Variants in MN1 observed in about 807,000 individuals in gnomAD.
The protein encoded by MN1 is MN1 proto-oncogene, transcriptional regulator.
A neutral mutation model predicts 86.9 loss-of-function variants in MN1; 19 were observed. The ratio of observed to expected loss-of-function variants is 0.22; its 90% CI spans 0.15 to 0.32. The LOEUF (loss-of-function observed/expected upper bound fraction) is 0.32, where lower values mean the gene tolerates loss of function less well. Ranked by LOEUF, MN1 falls within the 10% of genes least tolerant of loss-of-function variation. The pLI, the probability that MN1 is intolerant of heterozygous loss-of-function variation, is 1.00. For synonymous variants in MN1, 928 were observed against 849.6 expected (o/e 1.09, Z -1.60); for missense variants, 1,841 against 1,862.0 (o/e 0.99, Z 0.21).
In MN1 at chr22:27,798,766, C is replaced by A; in HGVS notation, c.1778G>T (p.Gly593Val). ...CGGCTGGGCCAAGCCGCCCACCGGG[C>A]CGCCATGCACCAGGCCGCCCTGGCC... Reference protein sequence around the residue: ...DVGQGGLVHGGPVGGLAQPNF... With the variant: ...DVGQGGLVHGVPVGGLAQPNF... Residue 593 changes from glycine to valine, a missense_variant, in exon 1 of 2, where the codon GGC becomes GTC. By Grantham distance (109) the Gly-to-Val change is moderately radical. Transcript: ENST00000302326. The A allele has an allele frequency of 6.5e-7, 1 of 1,534,110 alleles. No individual in the cohort carries two copies. The highest frequency in any genetic ancestry group is 8.7e-7 in the Non-Finnish European group (1 of 1,145,428).
intron 1 of MN1, among the ~76,000 whole-genome samples, chr22:27,773,619 G>A (rs975583364): frequency 6.6e-6 from 1 of 152,148 alleles, no homozygotes; most frequent in Non-Finnish European, 1.5e-5. Flanking sequence ...AGGATGCTAG[G>A]ACCCAAACCC....
In MN1 at chr22:27,798,180, C is replaced by A; in HGVS notation, c.2364G>T (p.Gln788His). 1 of 1,565,214 alleles carries A rather than the reference C, an allele frequency of 6.4e-7. No homozygotes were observed. The highest frequency in any genetic ancestry group is 8.6e-7 in the Non-Finnish European group (1 of 1,162,732). Residue 788 changes from glutamine (Q) to histidine (H), a missense_variant, in exon 1 of 2, where the codon CAG (glutamine) becomes CAT (histidine). Coordinates refer to ENST00000302326, the MANE Select transcript of MN1 (RefSeq NM_002430.3). Reference sequence around the variant, plus strand: ...TGCGCTGGCTGGGCTGGAAATCAGGCTGCGGCGGGTAGGCACCCCCGCCAC... The same window carrying A: ...TGCGCTGGCTGGGCTGGAAATCAGGATGCGGCGGGTAGGCACCCCCGCCAC... The part of the protein sequence containing the change: ...GGGGGGAYPP[Q>H]PDFQPSQRTS...
chr22:27,797,189 C>T lies in MN1; in HGVS notation c.3355G>A (p.Gly1119Ser). ...GGATGGCCCGGGCCCCCACCGCCGC[C>T]GTAGCTGTCAGGGGTCGAGGTAGAG... ...SNSTSTPDSY[G>S]GGGGPGHPGT... Residue 1119 changes from glycine to serine, a missense_variant, in exon 1 of 2, where the codon GGC (glycine) becomes AGC (serine). Physicochemically the swap from Gly to Ser is moderately conservative, Grantham distance 56. Transcript: ENST00000302326. 6.4e-7 allele frequency: 1 copy of T among 1,558,798 alleles called. No homozygotes were observed. Among genetic ancestry groups the T allele is most frequent in the South Asian group, 1.2e-5 (1 of 86,422 alleles).
chr22:27,771,843 G>A (rs538538341), intron 1 of MN1, among the ~76,000 whole-genome samples: 40 of 152,268 alleles, frequency 2.6e-4, no homozygotes, highest in African/African-American at 9.1e-4. Flanking sequence ...ACTGAGGCTC[G>A]GAGAAAGGAG....
At chr22:27,770,162 T>C (rs1354801508) in intron 1 of MN1, among the ~76,000 whole-genome samples, 2 of 152,014 alleles carry the variant, frequency 1.3e-5, no homozygotes, top group Non-Finnish European at 2.9e-5. Context: ...CCCTCCCAAA[T>C]CCTTTCCGGC....
chr22:27,798,498 C>T lies in MN1; in HGVS notation c.2046G>A (p.Glu682=), dbSNP rs775669182. 26 of 1,549,584 alleles carry T rather than the reference C, an allele frequency of 1.7e-5. No homozygotes were observed. The highest frequency in any genetic ancestry group is 1.7e-4 in the Middle Eastern group (1 of 5,882). ...GGCCCTCTCCGGGCATCCTCATCGG[C>T]TCCTGCAGAGGGCCCCGGAACAGCA... ...SGVLFRGPLQ[E]PMRMPGEGHV... is the part of the protein sequence containing the mutation. The change falls in exon 1 of 2, where the codon GAG becomes GAA. Residue 682 remains glutamate, a synonymous_variant. Coordinates refer to ENST00000302326, the MANE Select transcript of MN1 (RefSeq NM_002430.3).
intron 1 of MN1, among the ~76,000 whole-genome samples, chr22:27,766,358 C>A (rs536659691): frequency 6.6e-6 from 1 of 152,234 alleles, no homozygotes; most frequent in African/African-American, 2.4e-5. Flanking sequence ...CTGCAACGCC[C>A]AGTGTCATCT....
intron 1 of MN1, among the ~76,000 whole-genome samples, chr22:27,759,054 G>A (rs542411036): frequency 9.9e-5 from 15 of 152,182 alleles, no homozygotes; most frequent in Middle Eastern, 3.4e-3. Flanking sequence ...TCTCGAACTC[G>A]TGAGCTCAAG....
intron 1 of MN1, among the ~76,000 whole-genome samples, chr22:27,761,402 C>T (rs1045403972): frequency 1.3e-5 from 2 of 149,716 alleles, no homozygotes; most frequent in Non-Finnish European, 3.0e-5. Context: ...CTCTCTTTCT[C>T]TCTCTCTCTC....
At chr22:27,765,201 C>T (rs950124007) in intron 1 of MN1, among the ~76,000 whole-genome samples, 3 of 152,180 alleles carry the variant, frequency 2.0e-5, no homozygotes, top group African/African-American at 4.8e-5. Flanking sequence ...TGTCCAAGTT[C>T]GCATAAGAGG....
chr22:27,801,554 G>T lies in MN1; in HGVS notation c.-1011C>A. 5.6e-6 allele frequency: 1 copy of T among 178,614 alleles called. No homozygotes were observed. Among genetic ancestry groups the T allele is most frequent in the Non-Finnish European group, 1.2e-5 (1 of 83,480 alleles). The allele number at this position is 178,614 out of a possible 1,614,324, so 11.1% of individuals were successfully genotyped here. On this transcript the variant is annotated 5_prime_UTR_variant, in exon 1 of 2. Coordinates refer to ENST00000302326, the MANE Select transcript of MN1 (RefSeq NM_002430.3). ...GAGGGAGGGGGGCGTACGCGGGTCGGGGGGCCACGCCGGGCGAGCAGGCTA... is the reference window on the plus strand; with the variant it reads ...GAGGGAGGGGGGCGTACGCGGGTCGTGGGGCCACGCCGGGCGAGCAGGCTA...
In MN1 at chr22:27,801,574, A is replaced by T; in HGVS notation, c.-1031T>A. The T allele has an allele frequency of 8.0e-6, 1 of 124,908 alleles. No individual in the cohort carries two copies. The highest frequency in any genetic ancestry group is 3.1e-5 in the African/African-American group (1 of 31,966). The allele number at this position is 124,908 out of a possible 1,614,324, so 7.7% of individuals were successfully genotyped here. ...GGTCGGGGGGCCACGCCGGGCGAGC[A>T]GGCTAAGGCGTTCCCGCTGCGCTCT... On this transcript the variant is annotated 5_prime_UTR_variant, in exon 1 of 2. Transcript: ENST00000302326.
At position 27,771,219 on chromosome 22, in the gene MN1, CTTTTTTTTTTT is replaced by C. The variant is rs11330963; in HGVS notation, c.3782-20134_3782-20124del. ...TGTTTTGGTGGGGTTTTTTCCCTAACTTTTTTTTTTTTTTTTTTTTTTTTTTAGAGATAGGG... is the reference window on the plus strand; with the variant it reads ...TGTTTTGGTGGGGTTTTTTCCCTAACTTTTTTTTTTTTTTTAGAGATAGGG... On this transcript the variant is annotated intron_variant, in intron 1 of 1. Transcript: ENST00000302326. Among the ~76,000 whole-genome samples, 797 of 86,660 alleles carry C rather than the reference CTTTTTTTTTTT, an allele frequency of 9.2e-3. 12 individuals carry two copies. Among genetic ancestry groups the C allele is most frequent in the Non-Finnish European group, 9.3e-3 (431 of 46,108 alleles). The allele number at this position is 86,660 out of a possible 152,430, so 56.9% of individuals were successfully genotyped here. A position where few individuals can be genotyped will look rare whatever the true frequency, so the allele number is the denominator to read the frequency against.
chr22:27,795,188 T>A (rs1280356285), intron 1 of MN1, among the ~76,000 whole-genome samples: 1 of 152,096 alleles, frequency 6.6e-6, no homozygotes, highest in African/African-American at 2.4e-5. Context: ...AACACCCGGC[T>A]TCAAATGAGA....
Position 27,798,288 on chromosome 22 carries a change from G to C in MN1, c.2256C>G (p.Gly752=), listed in dbSNP as rs749154826. 7.2e-6 allele frequency: 11 copies of C among 1,525,758 alleles called. No homozygotes were observed. The Admixed American group carries it at 1.4e-4, about 20-fold the overall frequency. 94.5% of individuals were successfully genotyped at this position (1,525,758 alleles called of 1,614,324 possible). Residue 752 remains glycine, a synonymous_variant, in exon 1 of 2, where the codon GGC becomes GGG. Coordinates refer to ENST00000302326, the MANE Select transcript of MN1 (RefSeq NM_002430.3). ...GQPGFPFGAA[G]RQSTPHSGPG... ...GACCGCTGTGCGGCGTGGACTGCCG[G>C]CCGGCTGCACCAAACGGAAAGCCCG...
chr22:27,796,177 A>T (rs1933291511), intron 1 of MN1, among the ~76,000 whole-genome samples: 1 of 152,210 alleles, frequency 6.6e-6, no homozygotes, highest in African/African-American at 2.4e-5. Context: ...AAGAGACAAA[A>T]TAGCTATTCA....
At chr22:27,796,668 A>C in intron 1 of MN1, 95 bp downstream of exon 1, 1 of 1,332,928 alleles carries the variant, frequency 7.5e-7, no homozygotes, top group Non-Finnish European at 1.0e-6. Context: ...TGTGCCCTCC[A>C]AACCTCAAAG....
intron 1 of MN1, among the ~76,000 whole-genome samples, chr22:27,792,122 G>A (rs547699828): frequency 6.6e-6 from 1 of 152,062 alleles, no homozygotes; most frequent in Non-Finnish European, 1.5e-5. Flanking sequence ...ATCATATCAG[G>A]AATCATAGAA....
In MN1 at chr22:27,799,934, G is replaced by T; in HGVS notation, c.610C>A (p.His204Asn). ...DQSPNRAASF[H>N]GLPSSSGSDS... is the part of the protein sequence containing the mutation. ...GAGCCGCTGGAGGACGGCAGGCCGT[G>T]GAAGGAGGCGGCTCGGTTAGGGCTC... The change falls in exon 1 of 2, where the codon CAC becomes AAC. Residue 204 changes from histidine to asparagine, a missense_variant. Physicochemically the swap from His to Asn is moderately conservative, Grantham distance 68. Coordinates refer to ENST00000302326, the MANE Select transcript of MN1 (RefSeq NM_002430.3). 1.2e-6 allele frequency: 2 copies of T among 1,603,156 alleles called. No homozygotes were observed.
Sources: gnomAD v4.1 joint callset for allele counts (sites outside exome capture counted in the v4.1 genomes callset) on GRCh38, gnomAD v4.1.1 for gene constraint, MANE v1.5 for transcripts, NCBI Gene and HGNC (gene_info 2026-07-23, HGNC 2026-07-21) for gene names.